The following COL4A4 variants were observed in gnomAD, a reference collection of about 807,000 sequenced individuals.
COL4A4 encodes collagen type IV alpha 4 chain, also known as collagen alpha-4(IV) chain.
In COL4A4, 105 loss-of-function variants were observed where a neutral mutation model predicts 192.9. That is an observed-to-expected ratio of 0.54 (90% CI 0.46 to 0.64). The LOEUF (loss-of-function observed/expected upper bound fraction) is 0.64, where lower values mean the gene tolerates loss of function less well. COL4A4 is among the 30% of genes least tolerant of loss of function. COL4A4 has a pLI of 0.00. For missense variants in COL4A4, 1,967 were observed against 2,169.3 expected (o/e 0.91, Z 1.85); for synonymous variants, 762 against 769.9 (o/e 0.99, Z 0.17).
intron 25 of COL4A4, among the ~76,000 whole-genome samples, chr2:227,070,120 G>C (rs1388555803): frequency 2.6e-5 from 4 of 152,292 alleles, no homozygotes; most frequent in South Asian, 2.1e-4. Context: ...ATGAAAAAAT[G>C]CTCACCATCA....
intron 22 of COL4A4, among the ~76,000 whole-genome samples, chr2:227,086,859 G>C (rs1303457263): frequency 6.6e-6 from 1 of 152,228 alleles, no homozygotes; most frequent in African/African-American, 2.4e-5. Context: ...CCATGCTTAT[G>C]CACATACATG....
chr2:227,010,638 T>C, intron 45 of COL4A4, 137 bp from the exon 46 acceptor site: 1 of 634,690 alleles, frequency 1.6e-6, no homozygotes, highest in Admixed American at 3.1e-5. Context: ...CCTCGCCTTC[T>C]GGAACGTACA....
At chr2:226,990,919 C>T in the COL4A4 span, among the ~76,000 whole-genome samples, 13 of 152,066 alleles carry the variant, frequency 8.5e-5, no homozygotes, top group African/African-American at 1.7e-4. Flanking sequence ...GCCGTTTCAC[C>T]CAGGCCTGTA....
chr2:227,153,036 C>A (rs988776893), intron 1 of COL4A4, among the ~76,000 whole-genome samples: 4 of 152,242 alleles, frequency 2.6e-5, no homozygotes, highest in African/African-American at 7.2e-5. Flanking sequence ...GAATGAGGAG[C>A]AAAGTTATAT....
intron 4 of COL4A4, among the ~76,000 whole-genome samples, chr2:227,124,677 G>C (rs1041621759): frequency 6.6e-6 from 1 of 152,002 alleles, no homozygotes; most frequent in Non-Finnish European, 1.5e-5. Flanking sequence ...GTATTGTGAG[G>C]GTTTATCAAC....
intron 4 of COL4A4, among the ~76,000 whole-genome samples, chr2:227,130,063 C>T (rs1354286670): frequency 6.6e-6 from 1 of 152,096 alleles, no homozygotes; most frequent in East Asian, 1.9e-4. Flanking sequence ...GAAAAAGGCC[C>T]GTTAGGTGCC....
At chr2:227,078,599 A>T (rs571820203) in intron 24 of COL4A4, among the ~76,000 whole-genome samples, 3 of 152,340 alleles carry the variant, frequency 2.0e-5, no homozygotes, top group Non-Finnish European at 4.4e-5. Flanking sequence ...AGCCTCAAAT[A>T]CTGGAAACAA....
At chr2:227,014,732 A>G (rs1004935035) in intron 44 of COL4A4, among the ~76,000 whole-genome samples, 3 of 151,952 alleles carry the variant, frequency 2.0e-5, no homozygotes, top group African/African-American at 7.3e-5. Flanking sequence ...GTTTTTCCAG[A>G]TGGAGTCTCG....
At chr2:227,103,032 T>C in intron 14 of COL4A4, 112 bp downstream of exon 14, 2 of 1,113,000 alleles carry the variant, frequency 1.8e-6, no homozygotes, top group Non-Finnish European at 2.7e-6. Context: ...TGAAAAATTC[T>C]GGTAATATAT....
chr2:227,080,960 C>G (rs935017976), intron 23 of COL4A4, among the ~76,000 whole-genome samples: 1 of 152,170 alleles, frequency 6.6e-6, no homozygotes, highest in Non-Finnish European at 1.5e-5. Context: ...CTCTTCATCT[C>G]TGGATGTAAG....
chr2:227,094,171 A>G lies in COL4A4; in HGVS notation c.1323T>C (p.Pro441=), dbSNP rs35830639. 2.9e-3 allele frequency: 4,601 copies of G among 1,613,722 alleles called. 87 individuals are homozygous for G. In the African/African-American group the frequency reaches 0.051, roughly 18 times the overall value. ...APGKPGKPGS[P]GLPGAPGLQG... is the part of the protein sequence containing the mutation. ...GCAGGCCTGGTGCTCCAGGCAAGCCAGGTGATCCTGGCTTCCCTGGTTTTC... is the reference window on the plus strand; with the variant it reads ...GCAGGCCTGGTGCTCCAGGCAAGCCGGGTGATCCTGGCTTCCCTGGTTTTC... The change falls in exon 20 of 48, where the codon CCT becomes CCC. Residue 441 remains proline (P), a synonymous_variant. Transcript: ENST00000396625.
rs2060673883 is a variant in COL4A4, at chr2:227,104,034, C to T, written c.754G>A (p.Gly252Ser). 3 of 1,612,986 alleles carry T rather than the reference C, an allele frequency of 1.9e-6. No homozygotes were observed. Among genetic ancestry groups the T allele is most frequent in the Non-Finnish European group, 2.5e-6 (3 of 1,179,870 alleles). Residue 252 changes from glycine (G) to serine (S), a missense_variant, in exon 13 of 48, where the codon GGT becomes AGT. Physicochemically the swap from Gly to Ser is moderately conservative, Grantham distance 56. Coordinates refer to ENST00000396625, the MANE Select transcript of COL4A4 (RefSeq NM_000092.5). The stretch of plus-strand genomic sequence containing the variant: ...ACCAACAGGGTGGGTCCAGGAGAAC[C>T]TTGCTGACCAACCTCACCCTTAAAA... ...MGDPGEVGQQ[G>S]SPGPTLLVEP... is the part of the protein sequence containing the mutation.
intron 20 of COL4A4, among the ~76,000 whole-genome samples, chr2:227,092,827 G>T (rs2060011175): frequency 6.6e-6 from 1 of 152,206 alleles, no homozygotes; most frequent in Non-Finnish European, 1.5e-5. Context: ...CACATGTCGG[G>T]TGAGGGGTTG....
intron 25 of COL4A4, among the ~76,000 whole-genome samples, chr2:227,068,280 AC>A (rs1232979346): frequency 1.3e-5 from 2 of 152,212 alleles, no homozygotes; most frequent in Non-Finnish European, 2.9e-5. Flanking sequence ...GCTGAATTCT[AC>A]CAGAGGTACA....
At chr2:227,161,471 A>T (rs1391807497) in intron 1 of COL4A4, among the ~76,000 whole-genome samples, 1 of 152,228 alleles carries the variant, frequency 6.6e-6, no homozygotes, top group Non-Finnish European at 1.5e-5. Flanking sequence ...TAAAGAACCA[A>T]CTGTGAAAAA....
At chr2:227,122,512 T>C (rs893517284) in intron 4 of COL4A4, among the ~76,000 whole-genome samples, 1 of 152,164 alleles carries the variant, frequency 6.6e-6, no homozygotes, top group African/African-American at 2.4e-5. Flanking sequence ...GGGTTGCCCC[T>C]TGGGAATGCA....
intron 4 of COL4A4, among the ~76,000 whole-genome samples, chr2:227,135,063 T>C (rs1258204471): frequency 9.9e-5 from 15 of 152,152 alleles, no homozygotes; most frequent in Admixed American, 3.3e-4. Context: ...TAAGGAATAA[T>C]AGAAAATCCT....
chr2:227,091,644 A>G (rs2059936584), intron 20 of COL4A4, among the ~76,000 whole-genome samples: 1 of 152,134 alleles, frequency 6.6e-6, no homozygotes, highest in African/African-American at 2.4e-5. Flanking sequence ...CTACAATCCC[A>G]GCACTTTGGG....
chr2:227,068,128 T>A (rs1050248231), intron 25 of COL4A4, among the ~76,000 whole-genome samples: 1 of 146,696 alleles, frequency 6.8e-6, no homozygotes, highest in Admixed American at 6.8e-5. Flanking sequence ...AAGAAATGGA[T>A]AAATTCCTCG....
Sources: gnomAD v4.1 joint callset for allele counts (sites outside exome capture counted in the v4.1 genomes callset) on GRCh38, gnomAD v4.1.1 for gene constraint, MANE v1.5 for transcripts, NCBI Gene and HGNC (gene_info 2026-07-23, HGNC 2026-07-21) for gene names.